Variants in CRYBG1 observed in about 807,000 individuals in gnomAD.
CRYBG1 encodes crystallin beta-gamma domain containing 1.
Under a neutral mutation model 189.2 loss-of-function variants are expected in CRYBG1, and 139 were observed. That is an observed-to-expected ratio of 0.73 (90% CI 0.64 to 0.85). The LOEUF (loss-of-function observed/expected upper bound fraction) is 0.85. CRYBG1 is among the 40% of genes least tolerant of loss of function. The pLI, the probability that CRYBG1 is intolerant of heterozygous loss-of-function variation, is 0.00. For missense variants in CRYBG1, 2,611 were observed against 2,675.8 expected, an observed-to-expected ratio of 0.98 and a Z score of 0.53; for synonymous variants, 1,023 against 1,017.1, an observed-to-expected ratio of 1.01 and a Z score of -0.11.
chr6:106,547,364 G>A (rs768575475), intron 13 of CRYBG1, among the ~76,000 whole-genome samples: 5 of 152,138 alleles, frequency 3.3e-5, no homozygotes, highest in Non-Finnish European at 7.4e-5. Context: ...AAGAAGTTAC[G>A]GTATTTATGT....
chr6:106,461,083 C>A (rs1772001148), intron 2 of CRYBG1, among the ~76,000 whole-genome samples: 1 of 5,248 alleles, frequency 1.9e-4, no homozygotes, highest in African/African-American at 8.3e-4. Context: ...CCGTGCCCGA[C>A]CTTTGATCCC....
At chr6:106,439,393 A>G (rs997224410) in intron 1 of CRYBG1, among the ~76,000 whole-genome samples, 6 of 152,152 alleles carry the variant, frequency 3.9e-5, no homozygotes, top group African/African-American at 1.2e-4. Context: ...ATTATTGTTA[A>G]TATTCTTTAA....
In CRYBG1 at chr6:106,474,293, A is replaced by G. The variant is rs527905198; in HGVS notation, c.312+22461A>G. On this transcript the variant is annotated intron_variant, in intron 2 of 21. Coordinates refer to ENST00000633556, the MANE Select transcript of CRYBG1 (RefSeq NM_001371242.2). ...CAAGAGTTCGAGGCTACAGTGAGCT[A>G]TGATCATGTGCTTACACCTCAGCTT... Among the ~76,000 whole-genome samples, 32 of 152,326 alleles carry G rather than the reference A, an allele frequency of 2.1e-4. 1 individual carries two copies. The South Asian group carries it at 6.6e-3, about 32-fold the overall frequency.
chr6:106,479,406 G>A (rs899958382), intron 2 of CRYBG1, among the ~76,000 whole-genome samples: 4 of 152,178 alleles, frequency 2.6e-5, no homozygotes, highest in African/African-American at 9.7e-5. Flanking sequence ...CCCACTGGGA[G>A]TTAAGCCTTC....
intron 2 of CRYBG1, among the ~76,000 whole-genome samples, chr6:106,479,376 G>T (rs1373338120): frequency 6.6e-6 from 1 of 152,010 alleles, no homozygotes; most frequent in Non-Finnish European, 1.5e-5. Context: ...CCTCCCAAAG[G>T]CCCCACCTCC....
At chr6:106,487,447 A>G (rs1772616654) in intron 2 of CRYBG1, among the ~76,000 whole-genome samples, 1 of 152,100 alleles carries the variant, frequency 6.6e-6, no homozygotes, top group Non-Finnish European at 1.5e-5. Flanking sequence ...TCCTTTAAGC[A>G]ATTTTTGTAA....
chr6:106,451,368 G>A, intron 1 of CRYBG1: 1 of 176,820 alleles, frequency 5.7e-6, no homozygotes, highest in South Asian at 1.8e-4. Flanking sequence ...GAACAACCAG[G>A]AAACTGGAAA....
At chr6:106,517,473 CATAT>C (rs982374335) in intron 3 of CRYBG1, among the ~76,000 whole-genome samples, 11 of 145,644 alleles carry the variant, frequency 7.6e-5, no homozygotes, top group Admixed American at 1.4e-4. Context: ...TACACACACA[CATAT>C]ATATATACAC....
chr6:106,547,963 A>G (rs1774304394), intron 13 of CRYBG1, among the ~76,000 whole-genome samples: 1 of 152,208 alleles, frequency 6.6e-6, no homozygotes, highest in African/African-American at 2.4e-5. Flanking sequence ...GCAAAATGAA[A>G]TATTTCTGGT....
chr6:106,411,870 G>A (rs569361339), intron 1 of CRYBG1, among the ~76,000 whole-genome samples: 1 of 152,276 alleles, frequency 6.6e-6, no homozygotes, highest in East Asian at 1.9e-4. Flanking sequence ...CAGGAGGAGA[G>A]GAAGCAGGCA....
chr6:106,491,515 G>T (rs1772721737), intron 2 of CRYBG1, among the ~76,000 whole-genome samples: 1 of 152,030 alleles, frequency 6.6e-6, no homozygotes. Flanking sequence ...AGTTCAACAT[G>T]ACCCAAGCTG....
At chr6:106,424,311 C>T (rs1195184370) in intron 1 of CRYBG1, among the ~76,000 whole-genome samples, 1 of 152,122 alleles carries the variant, frequency 6.6e-6, no homozygotes, top group Admixed American at 6.5e-5. Flanking sequence ...AAAATACAAA[C>T]ATTATTAACA....
At chr6:106,562,628 A>G (rs1166106248) in intron 20 of CRYBG1, among the ~76,000 whole-genome samples, 5 of 151,834 alleles carry the variant, frequency 3.3e-5, no homozygotes, top group Non-Finnish European at 7.4e-5. Flanking sequence ...CTGGGACTAC[A>G]GGCGTGTGCC....
intron 1 of CRYBG1, among the ~76,000 whole-genome samples, chr6:106,446,873 C>T (rs1340613): frequency 0.2 from 31,018 of 152,144 alleles, 3,334 homozygotes; most frequent in Middle Eastern, 0.28. Flanking sequence ...ACAGTCTTGC[C>T]GTTATTAATT....
intron 3 of CRYBG1, among the ~76,000 whole-genome samples, chr6:106,516,952 A>T (rs916802891): frequency 2.0e-5 from 3 of 149,144 alleles, no homozygotes; most frequent in African/African-American, 7.4e-5. Context: ...ACTGATTGTT[A>T]GTGGTTATGC....
chr6:106,474,674 A>G (rs9398089), intron 2 of CRYBG1, among the ~76,000 whole-genome samples: 66,415 of 151,850 alleles, frequency 0.44, 14,748 homozygotes, highest in East Asian at 0.56. Flanking sequence ...GAGGTGACCA[A>G]GGGGAGGCTG....
chr6:106,432,542 A>C (rs909118833), intron 1 of CRYBG1, among the ~76,000 whole-genome samples: 2 of 152,186 alleles, frequency 1.3e-5, no homozygotes, highest in African/African-American at 4.8e-5. Context: ...TTCCAAGGGA[A>C]ATCAGTAGGT....
chr6:106,402,471 C>G (rs1164782736), intron 1 of CRYBG1, among the ~76,000 whole-genome samples: 1 of 93,422 alleles, frequency 1.1e-5, no homozygotes, highest in African/African-American at 4.4e-5. Flanking sequence ...TGGAACAGAA[C>G]AGAGCCCTCA....
At chr6:106,437,715 G>T (rs936444182) in intron 1 of CRYBG1, among the ~76,000 whole-genome samples, 2 of 152,198 alleles carry the variant, frequency 1.3e-5, no homozygotes, top group Non-Finnish European at 1.5e-5. Context: ...AGGATTACAG[G>T]CATGAGCTAC....
Sources: allele counts gnomAD v4.1 joint callset (sites outside exome capture counted in the v4.1 genomes callset), GRCh38; gene constraint gnomAD v4.1.1; transcripts MANE v1.5; gene names NCBI Gene and HGNC (gene_info 2026-07-23, HGNC 2026-07-21).